Variants in BBS9 observed in about 807,000 individuals in gnomAD.
BBS9 encodes protein PTHB1.
BBS9 carries 89 observed loss-of-function variants against 117.7 expected under a neutral mutation model. That is an observed-to-expected ratio of 0.76 (90% confidence interval 0.64 to 0.90). The LOEUF is 0.90. BBS9 is among the 40% of genes least tolerant of loss of function. BBS9 has a pLI of 0.00. For missense variants in BBS9, 982 were observed against 1,042.2 expected, an observed-to-expected ratio of 0.94 and a Z score of 0.80; for synonymous variants, 379 against 370.9, an observed-to-expected ratio of 1.02 and a Z score of -0.25.
At chr7:33,626,184 C>G (rs564168731) in intron 21 of BBS9, among the ~76,000 whole-genome samples, 1 of 152,188 alleles carries the variant, frequency 6.6e-6, no homozygotes, top group Non-Finnish European at 1.5e-5. Flanking sequence ...CCTTCTCTCT[C>G]TTCCTCCTGC....
At chr7:33,617,666 A>T (rs1213968142) in intron 21 of BBS9, among the ~76,000 whole-genome samples, 1 of 152,210 alleles carries the variant, frequency 6.6e-6, no homozygotes, top group African/African-American at 2.4e-5. Context: ...AAAACAATGC[A>T]TGAAGAAAAT....
chr7:33,430,975 A>T (rs1286713244), intron 19 of BBS9, among the ~76,000 whole-genome samples: 1 of 150,710 alleles, frequency 6.6e-6, no homozygotes, highest in East Asian at 2.0e-4. Context: ...GATCGCTTGA[A>T]CTCAGGAGTT....
intron 4 of BBS9, among the ~76,000 whole-genome samples, chr7:33,161,444 A>G (rs889953886): frequency 2.0e-5 from 3 of 152,216 alleles, no homozygotes; most frequent in Non-Finnish European, 4.4e-5. Context: ...TGCAAAGGAC[A>G]TGAACTCATC....
At chr7:33,564,788 G>A (rs1856605583) in intron 21 of BBS9, among the ~76,000 whole-genome samples, 1 of 152,174 alleles carries the variant, frequency 6.6e-6, no homozygotes, top group South Asian at 2.1e-4. Context: ...AGGCATTTGA[G>A]ATTGAAAGCA....
intron 21 of BBS9, among the ~76,000 whole-genome samples, chr7:33,625,419 C>T (rs1865593421): frequency 6.6e-6 from 1 of 152,034 alleles, no homozygotes; most frequent in Non-Finnish European, 1.5e-5. Flanking sequence ...GAGGAAACTG[C>T]CAAGAAATTT....
intron 19 of BBS9, among the ~76,000 whole-genome samples, chr7:33,402,225 A>G (rs951552905): frequency 6.6e-6 from 1 of 152,196 alleles, no homozygotes; most frequent in Non-Finnish European, 1.5e-5. Context: ...ATTAGATTAC[A>G]TTGAAATTTC....
At chr7:33,242,413 G>A (rs961621052) in intron 5 of BBS9, among the ~76,000 whole-genome samples, 1 of 151,988 alleles carries the variant, frequency 6.6e-6, no homozygotes, top group African/African-American at 2.4e-5. Context: ...CTCCTTTACT[G>A]TATCTCATTT....
chr7:33,467,820 A>G (rs1840407511), intron 19 of BBS9, among the ~76,000 whole-genome samples: 1 of 145,778 alleles, frequency 6.9e-6, no homozygotes, highest in Non-Finnish European at 1.5e-5. Flanking sequence ...TAGGTGAAAC[A>G]CTGGTGAGGA....
rs1399516380 is a variant in BBS9 at position 33,299,717 on chromosome 7, T to G, written c.1016+25761T>G. Among the ~76,000 whole-genome samples the G allele has an allele frequency of 3.1e-4, 47 of 151,990 alleles. 1 individual carries two copies. Among genetic ancestry groups the G allele is most frequent in the Non-Finnish European group, 2.6e-4 (18 of 68,008 alleles). ...GCTTTGCATCAATCAGGCACTGGGC[T>G]AAGCCCTTATTAATTCACACCAAAC... is the stretch of plus-strand genomic sequence containing the variant. On this transcript the variant is annotated intron_variant, in intron 9 of 22. Coordinates refer to ENST00000242067, the MANE Select transcript of BBS9 (RefSeq NM_198428.3).
intron 9 of BBS9, among the ~76,000 whole-genome samples, chr7:33,292,821 G>T (rs989998289): frequency 6.6e-6 from 1 of 151,898 alleles, no homozygotes; most frequent in Admixed American, 6.6e-5. Flanking sequence ...GCCTGACCAA[G>T]ATGGTGAAAC....
At chr7:33,187,254 TG>T (rs1783281530) in intron 5 of BBS9, among the ~76,000 whole-genome samples, 1 of 152,256 alleles carries the variant, frequency 6.6e-6, no homozygotes, top group South Asian at 2.1e-4. Context: ...AGATACTTCT[TG>T]TAGTCTATGT....
intron 5 of BBS9, among the ~76,000 whole-genome samples, chr7:33,178,295 G>A (rs1362773901): frequency 6.6e-6 from 1 of 152,154 alleles, no homozygotes. Flanking sequence ...TTTCACAAAG[G>A]CATCACCTTT....
chr7:33,500,215 A>G (rs1265037610), intron 19 of BBS9, among the ~76,000 whole-genome samples: 1 of 152,218 alleles, frequency 6.6e-6, no homozygotes, highest in Non-Finnish European at 1.5e-5. Flanking sequence ...TAACTAAAGC[A>G]CATATGCCTA....
At position 33,133,788 on chromosome 7, in the gene BBS9, A is replaced by T. The variant is rs111381914; in HGVS notation, c.-12+3747A>T. On this transcript the variant is annotated intron_variant, in intron 1 of 22. Coordinates refer to ENST00000242067, the MANE Select transcript of BBS9 (RefSeq NM_198428.3). ...TATGTGTAAGTTTTTTTGTATGCAC[A>T]TATGTTTTCATTGCCCTTGGATAGA... Among the ~76,000 whole-genome samples, 170 of 152,292 alleles carry T rather than the reference A, an allele frequency of 1.1e-3. 7 individuals carry two copies. The South Asian group carries it at 0.034, about 31-fold the overall frequency.
chr7:33,200,248 C>T (rs933685785), intron 5 of BBS9, among the ~76,000 whole-genome samples: 1 of 152,120 alleles, frequency 6.6e-6, no homozygotes, highest in African/African-American at 2.4e-5. Flanking sequence ...CAACTTTCAG[C>T]TCCTTGATTC....
chr7:33,247,253 A>T (rs1795484559), intron 5 of BBS9, among the ~76,000 whole-genome samples: 1 of 152,162 alleles, frequency 6.6e-6, no homozygotes, highest in Non-Finnish European at 1.5e-5. Flanking sequence ...GGTACTAGGC[A>T]GTATGTATTT....
chr7:33,293,978 T>TTGTTCTAA (rs780961788), intron 9 of BBS9, among the ~76,000 whole-genome samples: 1 of 152,196 alleles, frequency 6.6e-6, no homozygotes, highest in Non-Finnish European at 1.5e-5. Flanking sequence ...ACAAGTTATA[T>TTGTTCTAA]TGTTCTAATG....
chr7:33,355,539 TA>T (rs144515810), intron 15 of BBS9, among the ~76,000 whole-genome samples: 304 of 152,096 alleles, frequency 2.0e-3, no homozygotes, highest in African/African-American at 7.0e-3. Flanking sequence ...ATCATTTTAT[TA>T]AGTATGAGTG....
At chr7:33,597,440 T>C (rs539425091) in intron 21 of BBS9, among the ~76,000 whole-genome samples, 4 of 143,416 alleles carry the variant, frequency 2.8e-5, no homozygotes, top group African/African-American at 5.8e-5. Flanking sequence ...CTTGCCTGAT[T>C]CCTCTTAAAT....
Sources: gnomAD v4.1 joint callset for allele counts (sites outside exome capture counted in the v4.1 genomes callset) on GRCh38, gnomAD v4.1.1 for gene constraint, MANE v1.5 for transcripts, NCBI Gene and HGNC (gene_info 2026-07-23, HGNC 2026-07-21) for gene names.